NALF1: variants seen among roughly 807,000 people sequenced by gnomAD.
The protein encoded by NALF1 is family with sequence similarity 155 member A.
NALF1 carries 3 observed loss-of-function variants against 48.4 expected under a neutral mutation model. That is an observed-to-expected ratio of 0.06 (90% CI 0.03 to 0.16). The LOEUF is 0.16. Among genes scored for constraint, NALF1 ranks in the 10% least tolerant of loss-of-function variants. The pLI is 1.00. For missense variants in NALF1, 526 were observed against 571.5 expected (o/e 0.92, Z 0.81); for synonymous variants, 262 against 245.7 (o/e 1.07, Z -0.62).
chr13:107,531,028 A>G (rs997071644), intron 1 of NALF1: 3 of 153,386 alleles, frequency 2.0e-5, no homozygotes, highest in African/African-American at 4.8e-5. Context: ...ATATATATAT[A>G]TATATACATC....
chr13:107,807,582 T>C (rs994247844), intron 1 of NALF1, among the ~76,000 whole-genome samples: 1 of 152,178 alleles, frequency 6.6e-6, no homozygotes, highest in African/African-American at 2.4e-5. Flanking sequence ...ACGGAAAATG[T>C]ACCAATGATA....
intron 1 of NALF1, among the ~76,000 whole-genome samples, chr13:107,724,265 G>T (rs185194338): frequency 6.6e-6 from 1 of 151,258 alleles, no homozygotes; most frequent in African/African-American, 2.4e-5. Flanking sequence ...CACTTTTATT[G>T]TTCCTACTTT....
chr13:107,453,277 C>G (rs2043122032), intron 1 of NALF1, among the ~76,000 whole-genome samples: 1 of 152,202 alleles, frequency 6.6e-6, no homozygotes, highest in Non-Finnish European at 1.5e-5. Context: ...AGGGCTCCGC[C>G]CCTTCAATAC....
At chr13:107,711,623 A>G (rs751382855) in intron 1 of NALF1, among the ~76,000 whole-genome samples, 16 of 152,190 alleles carry the variant, frequency 1.1e-4, no homozygotes, top group Non-Finnish European at 2.2e-4. Context: ...CAGTTATATA[A>G]AGCACCCAAG....
chr13:107,201,651 A>G (rs1405463927), intron 2 of NALF1, among the ~76,000 whole-genome samples: 4 of 152,228 alleles, frequency 2.6e-5, no homozygotes, highest in Non-Finnish European at 5.9e-5. Flanking sequence ...AACAGGTCCT[A>G]TCTTGGGACA....
intron 1 of NALF1, among the ~76,000 whole-genome samples, chr13:107,805,287 G>A (rs1470901171): frequency 2.0e-5 from 3 of 152,048 alleles, no homozygotes; most frequent in Non-Finnish European, 4.4e-5. Flanking sequence ...CAGATGATAT[G>A]CAGTCTCCTT....
intron 1 of NALF1, among the ~76,000 whole-genome samples, chr13:107,767,968 GGC>G (rs1877462391): frequency 6.6e-6 from 1 of 152,118 alleles, no homozygotes; most frequent in Non-Finnish European, 1.5e-5. Context: ...ATGATCCCCG[GGC>G]AGTCAATCCA....
intron 1 of NALF1, among the ~76,000 whole-genome samples, chr13:107,630,648 G>A (rs1879811559): frequency 6.6e-6 from 1 of 152,054 alleles, no homozygotes; most frequent in African/African-American, 2.4e-5. Flanking sequence ...CGTCTAATAG[G>A]AGGTTTAGAT....
chr13:107,577,556 T>C (rs1878188652), intron 1 of NALF1, among the ~76,000 whole-genome samples: 1 of 152,190 alleles, frequency 6.6e-6, no homozygotes, highest in Non-Finnish European at 1.5e-5. Flanking sequence ...CATAATTCTT[T>C]TGAAAAGCGA....
chr13:107,239,037 G>A (rs1281784068), intron 1 of NALF1, among the ~76,000 whole-genome samples: 1 of 152,050 alleles, frequency 6.6e-6, no homozygotes, highest in Non-Finnish European at 1.5e-5. Context: ...AAACTTTAAG[G>A]ATGAAAAGGA....
intron 1 of NALF1, among the ~76,000 whole-genome samples, chr13:107,337,690 C>T (rs931792349): frequency 6.6e-6 from 1 of 152,048 alleles, no homozygotes; most frequent in Non-Finnish European, 1.5e-5. Flanking sequence ...CCAACTTGCA[C>T]ACAGAAAAGA....
chr13:107,278,470 C>G (rs151313243), intron 1 of NALF1, among the ~76,000 whole-genome samples: 16 of 152,278 alleles, frequency 1.1e-4, no homozygotes, highest in Middle Eastern at 3.4e-3. Context: ...TCCTTTTGTT[C>G]TCTGACTGTA....
chr13:107,302,853 CACACACACAG>C (rs1044758263), intron 1 of NALF1, among the ~76,000 whole-genome samples: 37 of 152,100 alleles, frequency 2.4e-4, no homozygotes, highest in Middle Eastern at 3.2e-3. Flanking sequence ...CTCTCTCACA[CACACACACAG>C]ACACACACAG....
intron 1 of NALF1, among the ~76,000 whole-genome samples, chr13:107,738,551 C>T (rs1391380133): frequency 2.0e-5 from 3 of 152,166 alleles, no homozygotes; most frequent in Non-Finnish European, 2.9e-5. Context: ...ACTACAATAT[C>T]ACTTTGTGTA....
At chr13:107,355,611 G>A (rs780085438) in intron 1 of NALF1, among the ~76,000 whole-genome samples, 6 of 152,004 alleles carry the variant, frequency 3.9e-5, no homozygotes, top group African/African-American at 7.2e-5. Flanking sequence ...ATGAGATCTG[G>A]TTGTTTAAAA....
chr13:107,693,608 T>C (rs1881625829), intron 1 of NALF1, among the ~76,000 whole-genome samples: 2 of 152,298 alleles, frequency 1.3e-5, no homozygotes, highest in Non-Finnish European at 1.5e-5. Flanking sequence ...TTTTTCTTTT[T>C]TTTTTTTTCC....
chr13:107,598,050 T>G (rs1001797679), intron 1 of NALF1, among the ~76,000 whole-genome samples: 1 of 152,168 alleles, frequency 6.6e-6, no homozygotes, highest in Non-Finnish European at 1.5e-5. Context: ...TTCTAGGTAA[T>G]GTGATAGTAT....
intron 1 of NALF1, among the ~76,000 whole-genome samples, chr13:107,737,025 T>C (rs1876487473): frequency 6.6e-6 from 1 of 152,240 alleles, no homozygotes; most frequent in Non-Finnish European, 1.5e-5. Flanking sequence ...CTGGGTGTTT[T>C]ATCTGTTCAA....
intron 1 of NALF1, among the ~76,000 whole-genome samples, chr13:107,234,774 A>G (rs1225256930): frequency 1.3e-5 from 2 of 152,208 alleles, no homozygotes; most frequent in Admixed American, 1.3e-4. Flanking sequence ...TGCTTTAAGA[A>G]TTTTAAATGC....
Sources: gnomAD v4.1 joint callset for allele counts (sites outside exome capture counted in the v4.1 genomes callset) on GRCh38, gnomAD v4.1.1 for gene constraint, MANE v1.5 for transcripts, NCBI Gene and HGNC (gene_info 2026-07-23, HGNC 2026-07-21) for gene names.